The following CCDC25 variants were observed in gnomAD, a reference collection of about 807,000 sequenced individuals.
The protein encoded by CCDC25 is coiled-coil domain containing 25.
In CCDC25, 16 loss-of-function variants were observed where a neutral mutation model predicts 35.3. The observed-to-expected ratio is 0.45, with a 90% CI of 0.31 to 0.69. CCDC25 has a LOEUF of 0.69. CCDC25 is among the 30% of genes least tolerant of loss of function. The pLI is 0.06. For missense variants in CCDC25, 179 were observed against 250.7 expected (o/e 0.71, Z 1.93); for synonymous variants, 79 against 80.3 (o/e 0.98, Z 0.09).
At chr8:27,739,933 G>T (rs1244490591) in intron 8 of CCDC25, among the ~76,000 whole-genome samples, 12 of 152,158 alleles carry the variant, frequency 7.9e-5, no homozygotes, top group Non-Finnish European at 1.2e-4. Context: ...TAGACGCAAT[G>T]TTAAGAAGAT....
intron 2 of CCDC25, among the ~76,000 whole-genome samples, chr8:27,763,489 G>A (rs1804295063): frequency 6.6e-6 from 1 of 152,174 alleles, no homozygotes. Context: ...AGGCTGAGGC[G>A]AGCAGATCAC....
At chr8:27,769,098 C>A in intron 1 of CCDC25, among the ~76,000 whole-genome samples, 1 of 152,332 alleles carries the variant, frequency 6.6e-6, no homozygotes, top group South Asian at 2.1e-4. Flanking sequence ...GCAAGCCATA[C>A]AAATTCATTT....
chr8:27,736,120 G>A lies in CCDC25; in HGVS notation c.*96C>T, dbSNP rs2128934567. 8.6e-7 allele frequency: 1 copy of A among 1,168,724 alleles called. No individual in the cohort carries two copies. Among genetic ancestry groups the A allele is most frequent in the Non-Finnish European group, 1.2e-6 (1 of 822,000 alleles). 72.4% of individuals were successfully genotyped at this position (1,168,724 alleles called of 1,614,324 possible). A position where few individuals can be genotyped will look rare whatever the true frequency, so the allele number is the denominator to read the frequency against. ...TGGGTAGGATGAAGGTAGAATTTTG[G>A]TTGTATTTTATATTTCAGAACACAG... On this transcript the variant is annotated 3_prime_UTR_variant, in exon 9 of 9. Coordinates refer to ENST00000356537, the MANE Select transcript of CCDC25 (RefSeq NM_018246.3).
intron 7 of CCDC25, among the ~76,000 whole-genome samples, chr8:27,745,683 G>A (rs17477326): frequency 0.3 from 45,642 of 152,100 alleles, 8,001 homozygotes; most frequent in Middle Eastern, 0.4. Context: ...CACAGCAAAC[G>A]GCAGCTCTGG....
intron 2 of CCDC25, chr8:27,764,569 A>G: frequency 4.0e-6 from 1 of 248,880 alleles, no homozygotes; most frequent in Non-Finnish European, 8.3e-6. Context: ...GTGAACCACC[A>G]TGCCTGGCCT....
chr8:27,746,349 T>G (rs1156476009), intron 7 of CCDC25, among the ~76,000 whole-genome samples: 1 of 152,180 alleles, frequency 6.6e-6, no homozygotes, highest in African/African-American at 2.4e-5. Flanking sequence ...TGGCTATTGT[T>G]GGAATTAAAT....
At chr8:27,765,423 C>T (rs993997181) in intron 1 of CCDC25, among the ~76,000 whole-genome samples, 172 bp from the exon 2 acceptor site, 1 of 151,986 alleles carries the variant, frequency 6.6e-6, no homozygotes, top group South Asian at 2.1e-4. Context: ...ATGGTTTTTA[C>T]GTTTTTAAAG....
At chr8:27,764,490 G>T in intron 2 of CCDC25, 1 of 379,976 alleles carries the variant, frequency 2.6e-6, no homozygotes, top group Non-Finnish European at 5.2e-6. Flanking sequence ...TGTTGCTCAG[G>T]CAGGTCTCGA....
At position 27,761,757 on chromosome 8, in the gene CCDC25, T is replaced by G. The variant is rs1394697586; in HGVS notation, c.116+662A>C. On this transcript the variant is annotated intron_variant, in intron 3 of 8. Coordinates refer to ENST00000356537, the MANE Select transcript of CCDC25 (RefSeq NM_018246.3). Reference sequence around the variant, plus strand: ...ATTCATAAAAGGCCCCAGGTCTGAATGGTAGAAGTCTATATGGTGTTCTAA... The same window carrying G: ...ATTCATAAAAGGCCCCAGGTCTGAAGGGTAGAAGTCTATATGGTGTTCTAA... Among the ~76,000 whole-genome samples the G allele has an allele frequency of 3.9e-5, 6 of 152,208 alleles. No homozygotes were observed. In the East Asian group the frequency reaches 1.2e-3, roughly 29 times the overall value.
At chr8:27,763,066 A>T (rs1290108705) in intron 2 of CCDC25, among the ~76,000 whole-genome samples, 1 of 152,130 alleles carries the variant, frequency 6.6e-6, no homozygotes, top group Non-Finnish European at 1.5e-5. Context: ...GCATTCTATT[A>T]CTACTTGACT....
In CCDC25 at chr8:27,737,533, T is replaced by A. The variant is rs1190326107; in HGVS notation, c.598-1288A>T. ...GCTAAATTAAAACTTAAGTCCTATA[T>A]TACATAAACACTTGCCTTTAACTTA... is the stretch of plus-strand genomic sequence containing the variant. On this transcript the variant is annotated intron_variant, in intron 8 of 8. Transcript: ENST00000356537. The surrounding 1 kb of genome is among the most constrained non-coding windows in gnomAD (Gnocchi z 4.6). Among the ~76,000 whole-genome samples, 1 of 152,210 alleles carries A rather than the reference T, an allele frequency of 6.6e-6. No individual in the cohort carries two copies. The highest frequency in any genetic ancestry group is 2.4e-5 in the African/African-American group (1 of 41,440).
chr8:27,744,143 T>C (rs1803529034), intron 7 of CCDC25, among the ~76,000 whole-genome samples: 1 of 152,210 alleles, frequency 6.6e-6, no homozygotes. Flanking sequence ...ATGCTTGTAA[T>C]TTCTGAAACT....
chr8:27,748,345 G>A (rs1284213476), intron 6 of CCDC25, 66 bp from the exon 7 acceptor site: 3 of 1,461,864 alleles, frequency 2.1e-6, no homozygotes, highest in East Asian at 4.5e-5. Context: ...AGAGGGATGA[G>A]GCTTTCCAGG....
In CCDC25 at chr8:27,735,560, T is replaced by C. The variant is rs891033611; in HGVS notation, c.*656A>G. 1.3e-5 allele frequency: 2 copies of C among 152,184 alleles called. No homozygotes were observed. Among genetic ancestry groups the C allele is most frequent in the Non-Finnish European group, 1.5e-5 (1 of 68,044 alleles). The allele number at this position is 152,184 out of a possible 1,614,324, so 9.4% of individuals were successfully genotyped here. A position where few individuals can be genotyped will look rare whatever the true frequency, so the allele number is the denominator to read the frequency against. ...GGCAACAACTGCCACAGGCCCCAGC[T>C]TGATGAACACCATCAATTTCTTTAA... On this transcript the variant is annotated 3_prime_UTR_variant, in exon 9 of 9. Coordinates refer to ENST00000356537, the MANE Select transcript of CCDC25 (RefSeq NM_018246.3).
chr8:27,738,592 CGGTA>C (rs1188173902), intron 8 of CCDC25, among the ~76,000 whole-genome samples: 1 of 121,218 alleles, frequency 8.2e-6, no homozygotes, highest in Non-Finnish European at 1.8e-5. Flanking sequence ...GTATGTAGGT[CGGTA>C]GGTAGGTGTG....
chr8:27,758,008 C>T (rs1432649823), intron 3 of CCDC25, among the ~76,000 whole-genome samples: 1 of 152,170 alleles, frequency 6.6e-6, no homozygotes, highest in Non-Finnish European at 1.5e-5. Flanking sequence ...ATGAATGAGG[C>T]CTCCCAGAAA....
At chr8:27,759,171 T>C (rs1017514501) in intron 3 of CCDC25, among the ~76,000 whole-genome samples, 28 of 152,198 alleles carry the variant, frequency 1.8e-4, no homozygotes, top group African/African-American at 6.0e-4. Flanking sequence ...CTTCACTAAA[T>C]AAGCATCAAC....
chr8:27,738,078 G>A (rs367865174), intron 8 of CCDC25, among the ~76,000 whole-genome samples: 3 of 152,104 alleles, frequency 2.0e-5, no homozygotes, highest in East Asian at 1.9e-4. Flanking sequence ...ATGCAAAGGC[G>A]TAAGAATGAT....
At chr8:27,763,249 C>T (rs1278056343) in intron 2 of CCDC25, among the ~76,000 whole-genome samples, 1 of 151,928 alleles carries the variant, frequency 6.6e-6, no homozygotes, top group Non-Finnish European at 1.5e-5. Flanking sequence ...TGATTATTTC[C>T]TTAAGGTATA....
Sources: allele counts gnomAD v4.1 joint callset (sites outside exome capture counted in the v4.1 genomes callset), GRCh38; gene constraint gnomAD v4.1.1; non-coding constraint Gnocchi (gnomAD v3.1); transcripts MANE v1.5; gene names NCBI Gene and HGNC (gene_info 2026-07-23, HGNC 2026-07-21).